The following ZNRF1 variants were observed in gnomAD, a reference collection of about 807,000 sequenced individuals.
The protein encoded by ZNRF1 is E3 ubiquitin-protein ligase ZNRF1.
Under a neutral mutation model 18.4 loss-of-function variants are expected in ZNRF1, and 3 were observed. The ratio of observed to expected loss-of-function variants is 0.16; its 90% CI spans 0.07 to 0.42. The LOEUF (loss-of-function observed/expected upper bound fraction) is 0.42, where lower values mean the gene tolerates loss of function less well. Ranked by LOEUF, ZNRF1 falls within the 10% of genes least tolerant of loss-of-function variation. ZNRF1 has a pLI of 0.99. For missense variants in ZNRF1, 310 were observed against 329.8 expected (o/e 0.94, Z 0.47); for synonymous variants, 157 against 144.2 (o/e 1.09, Z -0.64).
chr16:75,071,204 A>T (rs1480690877), intron 1 of ZNRF1, among the ~76,000 whole-genome samples: 1 of 151,194 alleles, frequency 6.6e-6, no homozygotes, highest in East Asian at 2.0e-4. Flanking sequence ...GGTTCAAGTG[A>T]TTCTTCTGCC....
chr16:75,050,011 C>T (rs2035572090), intron 1 of ZNRF1, among the ~76,000 whole-genome samples: 1 of 152,128 alleles, frequency 6.6e-6, no homozygotes, highest in Non-Finnish European at 1.5e-5. Context: ...ATCCCTAATA[C>T]CAGTCAGCCA....
intron 1 of ZNRF1, among the ~76,000 whole-genome samples, chr16:75,065,352 A>G (rs1024364056): frequency 4.6e-5 from 7 of 151,764 alleles, no homozygotes; most frequent in Non-Finnish European, 5.9e-5. Flanking sequence ...CCGCACGGCA[A>G]CTCCTCAACT....
chr16:75,106,637 G>C (rs1009603559), intron 4 of ZNRF1, 66 bp downstream of exon 4: 13 of 1,382,238 alleles, frequency 9.4e-6, no homozygotes, highest in African/African-American at 1.4e-5. Context: ...GGGGCCTGCA[G>C]TTTAGGGAGC....
At chr16:75,067,474 A>G (rs773203811) in intron 1 of ZNRF1, among the ~76,000 whole-genome samples, 76 of 152,192 alleles carry the variant, frequency 5.0e-4, no homozygotes, top group Non-Finnish European at 3.1e-4. Flanking sequence ...CAGAATTCTA[A>G]TTGGATTTTT....
intron 1 of ZNRF1, among the ~76,000 whole-genome samples, chr16:75,052,823 G>A (rs2035622103): frequency 6.6e-6 from 1 of 152,222 alleles, no homozygotes; most frequent in South Asian, 2.1e-4. Context: ...CCAGCTTACT[G>A]TTGTGATGCA....
chr16:75,089,240 T>C (rs7186651), intron 1 of ZNRF1, among the ~76,000 whole-genome samples: 116,893 of 151,762 alleles, frequency 0.77, 46,354 homozygotes, highest in Non-Finnish European at 0.87. Flanking sequence ...GTAGCTGGGA[T>C]TAGAGGCATG....
At chr16:75,029,603 CA>C (rs112283983) in intron 1 of ZNRF1, among the ~76,000 whole-genome samples, 143,469 of 151,234 alleles carry the variant, frequency 0.95, 68,508 homozygotes, top group South Asian at 1. Flanking sequence ...CCCATCTCTA[CA>C]AAAAAAATAC....
At chr16:75,074,884 A>G (rs916504025) in intron 1 of ZNRF1, among the ~76,000 whole-genome samples, 2 of 152,212 alleles carry the variant, frequency 1.3e-5, no homozygotes, top group African/African-American at 2.4e-5. Flanking sequence ...CCTGGGCAAC[A>G]TAACAAGGCC....
intron 1 of ZNRF1, among the ~76,000 whole-genome samples, chr16:75,087,020 C>G (rs1002917156): frequency 2.0e-5 from 3 of 152,146 alleles, no homozygotes; most frequent in Non-Finnish European, 4.4e-5. Context: ...CCTGAGAAAT[C>G]AGGTCTTAAA....
rs548469680 is a variant in ZNRF1 at position 75,064,455 on chromosome 16, C to T, written c.425-29117C>T. 2.6e-5 allele frequency among the ~76,000 whole-genome samples: 4 copies of T among 151,622 alleles called. No homozygotes were observed. The South Asian group carries it at 8.4e-4, about 32-fold the overall frequency. ...CCTGTAATCCCAGCTACTCAGGAGG[C>T]TGAGGCAGGAGAATTGTTTGAGCCC... On this transcript the variant is annotated intron_variant, in intron 1 of 4. Transcript: ENST00000335325.
intron 1 of ZNRF1, among the ~76,000 whole-genome samples, chr16:75,024,572 A>C (rs954337625): frequency 1.3e-5 from 2 of 152,250 alleles, no homozygotes; most frequent in African/African-American, 4.8e-5. Context: ...GCAGGAAATT[A>C]ATCTCAAACA....
intron 1 of ZNRF1, among the ~76,000 whole-genome samples, chr16:75,027,184 T>G (rs1292845431): frequency 6.6e-6 from 1 of 151,410 alleles, no homozygotes; most frequent in East Asian, 2.0e-4. Context: ...GGCAGGAGGA[T>G]TGCATGAGCC....
chr16:75,054,665 G>A (rs895226129), intron 1 of ZNRF1, among the ~76,000 whole-genome samples: 1 of 152,202 alleles, frequency 6.6e-6, no homozygotes, highest in Non-Finnish European at 1.5e-5. Context: ...GGTAATACTG[G>A]CACTTTGTTC....
chr16:75,093,857 G>A (rs375330823), intron 2 of ZNRF1, among the ~76,000 whole-genome samples, 190 bp downstream of exon 2: 11 of 152,340 alleles, frequency 7.2e-5, no homozygotes, highest in African/African-American at 2.2e-4. Flanking sequence ...AGAGGAAGAG[G>A]AGTGGGACAA....
chr16:75,062,310 A>G (rs1597888593), intron 1 of ZNRF1, among the ~76,000 whole-genome samples: 1 of 152,242 alleles, frequency 6.6e-6, no homozygotes, highest in African/African-American at 2.4e-5. Context: ...GAGGCCCGTG[A>G]CCATCAAGCA....
rs369461171 is a variant in ZNRF1 at position 75,105,956 on chromosome 16, C to T, written c.627-526C>T. The T allele has an allele frequency of 8.1e-4, 124 of 153,966 alleles. 2 individuals carry two copies. In the South Asian group the frequency reaches 0.023, roughly 29 times the overall value. 9.5% of individuals were successfully genotyped at this position (153,966 alleles called of 1,614,324 possible). A position where few individuals can be genotyped will look rare whatever the true frequency, so the allele number is the denominator to read the frequency against. ...GCTGATCAGCTGATCATGGCTGAGCCGGGTAGAGCTTGGGGCTCTCCTAAG... is the reference window on the plus strand; with the variant it reads ...GCTGATCAGCTGATCATGGCTGAGCTGGGTAGAGCTTGGGGCTCTCCTAAG... On this transcript the variant is annotated intron_variant, in intron 3 of 4. Coordinates refer to ENST00000335325, the MANE Select transcript of ZNRF1 (RefSeq NM_032268.5).
At chr16:75,053,481 CAA>C (rs1199833034) in intron 1 of ZNRF1, among the ~76,000 whole-genome samples, 4 of 149,904 alleles carry the variant, frequency 2.7e-5, no homozygotes, top group African/African-American at 9.9e-5. Context: ...CCCAGCTACT[CAA>C]GAGACTGAGG....
chr16:75,000,426 C>A (rs1258156832), intron 1 of ZNRF1: 8 of 505,926 alleles, frequency 1.6e-5, no homozygotes, highest in Non-Finnish European at 1.5e-5. Context: ...CTGGGTACTT[C>A]CATTCTGCCA....
rs1597881278 is a variant in ZNRF1, at chr16:75,050,936, T to C, written c.425-42636T>C. 5.6e-5 allele frequency among the ~76,000 whole-genome samples: 8 copies of C among 143,142 alleles called. No homozygotes were observed. In the Admixed American group the frequency reaches 5.7e-4, roughly 10 times the overall value. The allele number at this position is 143,142 out of a possible 152,430, so 93.9% of individuals were successfully genotyped here. On this transcript the variant is annotated intron_variant, in intron 1 of 4. Coordinates refer to ENST00000335325, the MANE Select transcript of ZNRF1 (RefSeq NM_032268.5). Reference sequence around the variant, plus strand: ...AGCCAGGTACAGTGGCTCACACCTGTAATCCTAGCACTTTGGGAGGCTGAA... The same window carrying C: ...AGCCAGGTACAGTGGCTCACACCTGCAATCCTAGCACTTTGGGAGGCTGAA...
Sources: allele counts gnomAD v4.1 joint callset (sites outside exome capture counted in the v4.1 genomes callset), GRCh38; gene constraint gnomAD v4.1.1; transcripts MANE v1.5; gene names NCBI Gene and HGNC (gene_info 2026-07-23, HGNC 2026-07-21).